Variants in PRTG observed in about 807,000 individuals in gnomAD.
PRTG encodes the protein protogenin.
In PRTG, 67 loss-of-function variants were observed where a neutral mutation model predicts 122.5. The observed-to-expected ratio is 0.55, with a 90% CI of 0.45 to 0.67. PRTG has a LOEUF of 0.67. PRTG is among the 30% of genes least tolerant of loss of function. PRTG has a pLI of 0.00. For missense variants in PRTG, 1,435 were observed against 1,415.4 expected, an observed-to-expected ratio of 1.01 and a Z score of -0.22; for synonymous variants, 554 against 501.1, an observed-to-expected ratio of 1.11 and a Z score of -1.41.
chr15:55,633,343 G>A (rs1395282361), intron 15 of PRTG, among the ~76,000 whole-genome samples: 2 of 152,108 alleles, frequency 1.3e-5, no homozygotes, highest in East Asian at 1.9e-4. Flanking sequence ...CCGAGTAGCT[G>A]GGACTACAGG....
chr15:55,713,108 C>T (rs1346118206), intron 2 of PRTG, among the ~76,000 whole-genome samples: 3 of 149,454 alleles, frequency 2.0e-5, no homozygotes, highest in African/African-American at 7.3e-5. Flanking sequence ...TTTCCCTCTC[C>T]AGAAACAACC....
chr15:55,727,246 A>C (rs555228608), intron 2 of PRTG, among the ~76,000 whole-genome samples: 2 of 152,244 alleles, frequency 1.3e-5, no homozygotes, highest in South Asian at 2.1e-4. Context: ...TAGATGAACA[A>C]AACTAACAAA....
chr15:55,704,979 C>G (rs1312777568), intron 2 of PRTG, among the ~76,000 whole-genome samples: 1 of 151,922 alleles, frequency 6.6e-6, no homozygotes, highest in Admixed American at 6.6e-5. Context: ...ACAACACAGC[C>G]CTAAAGAAGA....
At chr15:55,645,538 G>A in intron 11 of PRTG, among the ~76,000 whole-genome samples, 1 of 148,104 alleles carries the variant, frequency 6.8e-6, no homozygotes, top group African/African-American at 2.5e-5. Flanking sequence ...AGAAAACATA[G>A]AACAGCTACA....
At chr15:55,664,660 C>T (rs552261648) in intron 11 of PRTG, among the ~76,000 whole-genome samples, 13 of 152,054 alleles carry the variant, frequency 8.5e-5, no homozygotes, top group Admixed American at 2.6e-4. Flanking sequence ...GCAAATGGCT[C>T]GCTGCTACCT....
chr15:55,707,091 A>C (rs2030161013), intron 2 of PRTG, among the ~76,000 whole-genome samples: 2 of 152,242 alleles, frequency 1.3e-5, no homozygotes, highest in African/African-American at 4.8e-5. Context: ...GAGCCATTGA[A>C]ATATTTTAAG....
At chr15:55,645,167 G>A (rs1252746356) in intron 11 of PRTG, among the ~76,000 whole-genome samples, 3 of 151,812 alleles carry the variant, frequency 2.0e-5, no homozygotes, top group South Asian at 4.2e-4. Flanking sequence ...CGGGCGCGGT[G>A]GCTCACGCCT....
intron 11 of PRTG, among the ~76,000 whole-genome samples, chr15:55,660,787 C>A (rs1567087628): frequency 6.6e-6 from 1 of 151,988 alleles, no homozygotes. Flanking sequence ...AGTAGCTAAA[C>A]CTCAAGATAT....
At chr15:55,695,757 T>C (rs576025474) in intron 2 of PRTG, among the ~76,000 whole-genome samples, 1 of 152,288 alleles carries the variant, frequency 6.6e-6, no homozygotes, top group South Asian at 2.1e-4. Flanking sequence ...GACAGGCAGA[T>C]CACTTGAGCT....
At chr15:55,684,182 T>C (rs978495900) in intron 2 of PRTG, among the ~76,000 whole-genome samples, 1 of 152,194 alleles carries the variant, frequency 6.6e-6, no homozygotes, top group Non-Finnish European at 1.5e-5. Flanking sequence ...TATTTGGAGA[T>C]AAAAAGTTAA....
chr15:55,612,923 T>C lies in PRTG; in HGVS notation c.*7089A>G, dbSNP rs2059127336. On this transcript the variant is annotated 3_prime_UTR_variant, in exon 20 of 20. Coordinates refer to ENST00000389286, the MANE Select transcript of PRTG (RefSeq NM_173814.6). ...GTATGCGTACGGGAGATGCAAACAT[T>C]TTTCATTTCAACAAAGGCAAAATAT... 1 of 151,726 alleles carries C rather than the reference T, an allele frequency of 6.6e-6. No individual in the cohort carries two copies. The highest frequency in any genetic ancestry group is 6.6e-5 in the Admixed American group (1 of 15,214). 9.4% of individuals were successfully genotyped at this position (151,726 alleles called of 1,614,324 possible).
In PRTG at chr15:55,617,869, G is replaced by C. The variant is rs2059147727; in HGVS notation, c.*2143C>G. 6.6e-6 allele frequency: 1 copy of C among 152,090 alleles called. No homozygotes were observed. The highest frequency in any genetic ancestry group is 1.5e-5 in the Non-Finnish European group (1 of 68,020). 9.4% of individuals were successfully genotyped at this position (152,090 alleles called of 1,614,324 possible). ...AATGATCTCACTGTACTTAATTTTA[G>C]ATACTGATAAAAGTTGGCCCTATAT... On this transcript the variant is annotated 3_prime_UTR_variant, in exon 20 of 20. Transcript: ENST00000389286.
chr15:55,638,646 T>C lies in PRTG; in HGVS notation c.2355A>G (p.Leu785=), dbSNP rs1383761478. 6.2e-7 allele frequency: 1 copy of C among 1,613,212 alleles called. No individual in the cohort carries two copies. The highest frequency in any genetic ancestry group is 8.5e-7 in the Non-Finnish European group (1 of 1,179,332). Residue 785 remains leucine (L), a synonymous_variant, in exon 14 of 20, where the codon CTA becomes CTG. Coordinates refer to ENST00000389286, the MANE Select transcript of PRTG (RefSeq NM_173814.6). ...CAAATTCGTATTTGGTGTTTGGTTC[T>C]AGACCTTGAACCAACATGTGAGTTT... ...TSETHMLVQG[L]EPNTKYEFAV... is the part of the protein sequence containing the mutation.
Position 55,697,551 on chromosome 15 carries a change from G to A in PRTG, c.398-13620C>T, listed in dbSNP as rs181538072. 1.1e-4 allele frequency among the ~76,000 whole-genome samples: 16 copies of A among 152,160 alleles called. No homozygotes were observed. In the East Asian group the frequency reaches 1.9e-3, roughly 18 times the overall value. On this transcript the variant is annotated intron_variant, in intron 2 of 19. Transcript: ENST00000389286. ...GTTTGAGATGGAGTCTTGCACTATC[G>A]CCAGGCTGGAGTGCAGTGGTGCAAC... is the stretch of plus-strand genomic sequence containing the variant.
chr15:55,715,657 A>G (rs1185259758), intron 2 of PRTG, among the ~76,000 whole-genome samples: 1 of 152,252 alleles, frequency 6.6e-6, no homozygotes, highest in African/African-American at 2.4e-5. Context: ...CTGGAATTAC[A>G]TATCCAAAAA....
intron 2 of PRTG, among the ~76,000 whole-genome samples, chr15:55,694,098 G>A (rs2059619522): frequency 6.6e-6 from 1 of 152,100 alleles, no homozygotes; most frequent in Non-Finnish European, 1.5e-5. Context: ...TTATTTGAAG[G>A]AGATAAAATC....
rs201981778 is a variant in PRTG, at chr15:55,620,036, T to C, written c.3429A>G (p.Ile1143Met). Reference sequence around the variant, plus strand: ...ATCAGAGGTTGGGGGGTGTGGTACTTATAACTGAGGACAGATGTATCTCAT... The same window carrying C: ...ATCAGAGGTTGGGGGGTGTGGTACTCATAACTGAGGACAGATGTATCTCAT... ...SNDEIHLSSV[I>M]STTPPNL is the part of the protein sequence containing the mutation. Residue 1143 changes from isoleucine to methionine, a missense_variant, in exon 20 of 20, where the codon ATA becomes ATG. Physicochemically the swap from Ile to Met is conservative, Grantham distance 10 (BLOSUM62 1). Transcript: ENST00000389286. 2.9e-5 allele frequency: 47 copies of C among 1,614,070 alleles called. No homozygotes were observed. In the African/African-American group the frequency reaches 5.9e-4, roughly 20 times the overall value.
At chr15:55,630,497 G>A (rs1302806456) in intron 15 of PRTG, among the ~76,000 whole-genome samples, 4 of 152,152 alleles carry the variant, frequency 2.6e-5, no homozygotes, top group Non-Finnish European at 5.9e-5. Context: ...TCAGAGTACT[G>A]AAGACAGGTC....
intron 11 of PRTG, among the ~76,000 whole-genome samples, chr15:55,660,962 C>T (rs2059406516): frequency 6.6e-6 from 1 of 152,050 alleles, no homozygotes; most frequent in East Asian, 1.9e-4. Context: ...AGAGTTAAAC[C>T]AATTTTTCTG....
Sources: allele counts gnomAD v4.1 joint callset (sites outside exome capture counted in the v4.1 genomes callset), GRCh38; gene constraint gnomAD v4.1.1; transcripts MANE v1.5; gene names NCBI Gene and HGNC (gene_info 2026-07-23, HGNC 2026-07-21).